Variants in ARHGEF10 observed in about 807,000 individuals in gnomAD.
The protein encoded by ARHGEF10 is Rho guanine nucleotide exchange factor (GEF) 10.
ARHGEF10 carries 140 observed loss-of-function variants against 147.4 expected under a neutral mutation model. The ratio of observed to expected loss-of-function variants is 0.95; its 90% confidence interval spans 0.83 to 1.09. The LOEUF (loss-of-function observed/expected upper bound fraction) is 1.09. Ranked by LOEUF, ARHGEF10 falls within the 50% of genes least tolerant of loss-of-function variation. The probability of loss-of-function intolerance (pLI) is 0.00; values close to 1 mark genes in which losing one functional copy is unlikely to be tolerated. For missense variants in ARHGEF10, 2,222 were observed against 1,752.7 expected (o/e 1.27, Z -4.78); for synonymous variants, 902 against 695.8 (o/e 1.30, Z -4.67).
intron 11 of ARHGEF10, among the ~76,000 whole-genome samples, chr8:1,886,110 G>A (rs148513813): frequency 1.1e-3 from 167 of 152,272 alleles, no homozygotes; most frequent in African/African-American, 3.8e-3. Context: ...GAAAATGACA[G>A]ATTTTCAGTA....
intron 8 of ARHGEF10, among the ~76,000 whole-genome samples, chr8:1,878,047 C>G (rs1180555324): frequency 6.6e-6 from 1 of 152,076 alleles, no homozygotes; most frequent in Non-Finnish European, 1.5e-5. Flanking sequence ...GCTCGTGAAA[C>G]TCAAGGAGAA....
chr8:1,835,961 C>G, intron 1 of ARHGEF10, among the ~76,000 whole-genome samples: 1 of 152,168 alleles, frequency 6.6e-6, no homozygotes, highest in Non-Finnish European at 1.5e-5. Context: ...GCGGGCAGAT[C>G]ACGAGCTCAG....
chr8:1,863,594 C>T (rs1021872392), intron 4 of ARHGEF10, among the ~76,000 whole-genome samples: 53 of 152,296 alleles, frequency 3.5e-4, no homozygotes, highest in African/African-American at 1.3e-3. Context: ...CAAGGGACCA[C>T]GTGGCCCGCA....
chr8:1,925,671 T>C (rs1725368563), intron 22 of ARHGEF10, among the ~76,000 whole-genome samples: 3 of 152,236 alleles, frequency 2.0e-5, no homozygotes, highest in Admixed American at 6.5e-5. Context: ...GAGGCCTTGT[T>C]AGTTAAAGAG....
At chr8:1,925,590 G>C (rs530916653) in intron 22 of ARHGEF10, among the ~76,000 whole-genome samples, 186 bp downstream of exon 22, 2 of 152,174 alleles carry the variant, frequency 1.3e-5, no homozygotes, top group Non-Finnish European at 2.9e-5. Flanking sequence ...CTAAAAAAAC[G>C]CCCAGCCATT....
chr8:1,864,470 T>G, intron 5 of ARHGEF10, 34 bp downstream of exon 5: 1 of 1,599,244 alleles, frequency 6.3e-7, no homozygotes, highest in Non-Finnish European at 8.6e-7. Flanking sequence ...CCTGCTGAAT[T>G]CCCGCCTTTC....
At chr8:1,824,417 G>T (rs1207145001) in intron 1 of ARHGEF10, among the ~76,000 whole-genome samples, 1 of 151,996 alleles carries the variant, frequency 6.6e-6, no homozygotes, top group Non-Finnish European at 1.5e-5. Flanking sequence ...GAAGGAGCCC[G>T]AGGGGCGAGC....
At chr8:1,870,400 A>G (rs1264448319) in intron 7 of ARHGEF10, 1 of 152,212 alleles carries the variant, frequency 6.6e-6, no homozygotes, top group African/African-American at 2.4e-5. Context: ...TGCAAATCAT[A>G]TGAGAAAAGA....
At chr8:1,901,807 T>C (rs1810485602) in intron 15 of ARHGEF10, among the ~76,000 whole-genome samples, 1 of 152,174 alleles carries the variant, frequency 6.6e-6, no homozygotes, top group African/African-American at 2.4e-5. Context: ...TTGTGACTCA[T>C]AGGAAAACAA....
intron 28 of ARHGEF10, among the ~76,000 whole-genome samples, chr8:1,955,272 G>A (rs1010792517): frequency 6.7e-6 from 1 of 149,604 alleles, no homozygotes; most frequent in South Asian, 2.1e-4. Context: ...GGTGCATCCT[G>A]GAAGGAGGCA....
intron 1 of ARHGEF10, among the ~76,000 whole-genome samples, chr8:1,829,117 C>T (rs897577451): frequency 2.0e-5 from 3 of 152,238 alleles, no homozygotes; most frequent in African/African-American, 7.2e-5. Flanking sequence ...CCAGGCCGAG[C>T]GCTCCCCGCC....
intron 2 of ARHGEF10, among the ~76,000 whole-genome samples, chr8:1,851,403 C>T (rs1805137364): frequency 6.6e-6 from 1 of 151,718 alleles, no homozygotes; most frequent in Non-Finnish European, 1.5e-5. Flanking sequence ...GGCACAGCAC[C>T]AGGAGCGAGG....
At chr8:1,905,058 G>A (rs1056787019) in intron 16 of ARHGEF10, among the ~76,000 whole-genome samples, 2 of 152,230 alleles carry the variant, frequency 1.3e-5, no homozygotes, top group African/African-American at 4.8e-5. Flanking sequence ...GAACCCAGGA[G>A]GTGGAGGTTG....
intron 21 of ARHGEF10, among the ~76,000 whole-genome samples, chr8:1,925,005 G>A (rs1812578066): frequency 6.6e-6 from 1 of 152,232 alleles, no homozygotes; most frequent in Non-Finnish European, 1.5e-5. Context: ...ATACAGCGAC[G>A]TTTGGCAGCC....
At chr8:1,843,598 C>A (rs1413790462) in intron 2 of ARHGEF10, among the ~76,000 whole-genome samples, 162 bp downstream of exon 2, 1 of 152,184 alleles carries the variant, frequency 6.6e-6, no homozygotes, top group Non-Finnish European at 1.5e-5. Flanking sequence ...CTGGGTGCCC[C>A]CATCCTTGCC....
chr8:1,940,294 C>G (rs1049728955), intron 26 of ARHGEF10, among the ~76,000 whole-genome samples: 27 of 152,172 alleles, frequency 1.8e-4, no homozygotes, highest in Admixed American at 5.2e-4. Flanking sequence ...CTGCTTTATT[C>G]TGAACTAGCT....
chr8:1,855,839 G>GT (rs1379131749), intron 2 of ARHGEF10, among the ~76,000 whole-genome samples: 1 of 151,640 alleles, frequency 6.6e-6, no homozygotes, highest in African/African-American at 2.4e-5. Flanking sequence ...CCAGAAAACA[G>GT]TTTTTTTGTT....
rs758490040 is a variant in ARHGEF10, at chr8:1,894,590, C to T, written c.1440+18C>T. ...TGGCTTCGGTAATTAAGCTGGGACA[C>T]CTGGATGTCCATGGGGCTCTCCATG... is the stretch of plus-strand genomic sequence containing the variant. On this transcript the variant is annotated intron_variant, in intron 13 of 28. Transcript: ENST00000349830. The T allele has an allele frequency of 1.2e-6, 2 of 1,612,196 alleles. No individual in the cohort carries two copies. The highest frequency in any genetic ancestry group is 4.5e-5 in the East Asian group (2 of 44,878).
At chr8:1,882,106 G>C (rs1808251032) in intron 9 of ARHGEF10, among the ~76,000 whole-genome samples, 1 of 152,280 alleles carries the variant, frequency 6.6e-6, no homozygotes, top group East Asian at 1.9e-4. Flanking sequence ...CCTCCCTCAG[G>C]TGTGTCCCGT....
Sources: allele counts gnomAD v4.1 joint callset (sites outside exome capture counted in the v4.1 genomes callset), GRCh38; gene constraint gnomAD v4.1.1; transcripts MANE v1.5; gene names NCBI Gene and HGNC (gene_info 2026-07-23, HGNC 2026-07-21).